Variants in EYS observed in about 807,000 individuals in gnomAD.
EYS encodes protein eyes shut homolog.
EYS carries 250 observed loss-of-function variants against 282.1 expected under a neutral mutation model. That is an observed-to-expected ratio of 0.89 (90% CI 0.80 to 0.98). The LOEUF (loss-of-function observed/expected upper bound fraction) is 0.98, where lower values mean the gene tolerates loss of function less well. Among genes scored for constraint, EYS ranks in the 50% least tolerant of loss-of-function variants. The pLI, the probability that EYS is intolerant of heterozygous loss-of-function variation, is 0.00. For synonymous variants in EYS, 1,355 were observed against 1,282.9 expected (o/e 1.06, Z -1.20); for missense variants, 4,016 against 3,709.0 (o/e 1.08, Z -2.15).
At chr6:64,378,783 T>C (rs187289190) in intron 29 of EYS, among the ~76,000 whole-genome samples, 1 of 152,292 alleles carries the variant, frequency 6.6e-6, no homozygotes, top group East Asian at 1.9e-4. Flanking sequence ...ACATCTCTAC[T>C]GGCCCTTTTG....
chr6:65,460,089 AC>A (rs1764776214), intron 5 of EYS, among the ~76,000 whole-genome samples: 1 of 147,534 alleles, frequency 6.8e-6, no homozygotes, highest in Non-Finnish European at 1.5e-5. Context: ...ACACACACAC[AC>A]ACACACACAT....
At chr6:64,406,641 G>A (rs569307334) in intron 28 of EYS, among the ~76,000 whole-genome samples, 1 of 152,314 alleles carries the variant, frequency 6.6e-6, no homozygotes, top group East Asian at 1.9e-4. Flanking sequence ...ATCAAAAAGT[G>A]AGCGAAGGAT....
intron 35 of EYS, among the ~76,000 whole-genome samples, chr6:63,919,285 G>A (rs1764502759): frequency 6.7e-6 from 1 of 148,254 alleles, no homozygotes; most frequent in Non-Finnish European, 1.5e-5. Context: ...CAGGGGCGGG[G>A]AAGAAGGAAG....
At chr6:63,732,097 G>GCTGATA (rs1768797264) in intron 41 of EYS, among the ~76,000 whole-genome samples, 1 of 151,676 alleles carries the variant, frequency 6.6e-6, no homozygotes, top group Non-Finnish European at 1.5e-5. Flanking sequence ...GCTGATACTG[G>GCTGATA]GTCAGTGCAG....
chr6:63,941,302 A>G (rs1301024238), intron 35 of EYS, among the ~76,000 whole-genome samples: 1 of 152,194 alleles, frequency 6.6e-6, no homozygotes, highest in East Asian at 1.9e-4. Context: ...TCCCACCAAC[A>G]GTGTAAAAGT....
At position 64,758,070 on chromosome 6, in the gene EYS, G is replaced by A. The variant is rs945836550; in HGVS notation, c.3443+55308C>T. Among the ~76,000 whole-genome samples the A allele has an allele frequency of 5.3e-5, 8 of 151,972 alleles. No homozygotes were observed. The East Asian group carries it at 1.5e-3, about 29-fold the overall frequency. Reference sequence around the variant, plus strand: ...ATTACAGGCGTGAGCCACTGTGCCCGGCCCAAAAGATTAATTTCTTAACAC... The same window carrying A: ...ATTACAGGCGTGAGCCACTGTGCCCAGCCCAAAAGATTAATTTCTTAACAC... On this transcript the variant is annotated intron_variant, in intron 22 of 42. Coordinates refer to ENST00000503581, the MANE Select transcript of EYS (RefSeq NM_001142800.2).
chr6:64,427,254 T>C (rs866621765), intron 28 of EYS, among the ~76,000 whole-genome samples: 2 of 152,154 alleles, frequency 1.3e-5, no homozygotes, highest in Non-Finnish European at 2.9e-5. Context: ...TTCATTTTTA[T>C]TGACATGCAG....
chr6:65,013,856 C>CT (rs1163521573), intron 13 of EYS, among the ~76,000 whole-genome samples: 1 of 152,110 alleles, frequency 6.6e-6, no homozygotes, highest in East Asian at 1.9e-4. Context: ...CAGTGAGACT[C>CT]TCTCTCTTAA....
chr6:65,313,012 A>T (rs868375317), intron 11 of EYS, among the ~76,000 whole-genome samples: 1 of 152,060 alleles, frequency 6.6e-6, no homozygotes, highest in East Asian at 1.9e-4. Flanking sequence ...GGTAGTAGAG[A>T]TCCCCTACTG....
intron 13 of EYS, among the ~76,000 whole-genome samples, chr6:65,017,091 C>A (rs978867547): frequency 6.6e-6 from 1 of 152,242 alleles, no homozygotes; most frequent in South Asian, 2.1e-4. Flanking sequence ...CCCATTCCCT[C>A]CCAGCTTCCT....
intron 14 of EYS, among the ~76,000 whole-genome samples, chr6:64,975,880 T>C (rs1770460835): frequency 6.6e-6 from 1 of 151,840 alleles, no homozygotes; most frequent in African/African-American, 2.4e-5. Flanking sequence ...CTAAATACTG[T>C]ACTAAAAACT....
chr6:65,056,638 A>G (rs1583441455), intron 13 of EYS, among the ~76,000 whole-genome samples: 2 of 152,164 alleles, frequency 1.3e-5, no homozygotes, highest in African/African-American at 4.8e-5. Context: ...TACTTAGGCC[A>G]TTCCCTCTGT....
chr6:65,471,869 C>T (rs1582340751), intron 5 of EYS, among the ~76,000 whole-genome samples: 1 of 151,994 alleles, frequency 6.6e-6, no homozygotes, highest in Non-Finnish European at 1.5e-5. Flanking sequence ...TAATATTTTT[C>T]ATGGCATTAT....
chr6:65,012,188 A>T (rs2150133817), intron 13 of EYS, among the ~76,000 whole-genome samples: 1 of 152,326 alleles, frequency 6.6e-6, no homozygotes, highest in Non-Finnish European at 1.5e-5. Flanking sequence ...TAATTATATA[A>T]AGTGGTTGCC....
At chr6:64,652,801 A>G (rs1436645369) in intron 22 of EYS, among the ~76,000 whole-genome samples, 2 of 152,196 alleles carry the variant, frequency 1.3e-5, no homozygotes, top group Non-Finnish European at 2.9e-5. Flanking sequence ...ATGACATACT[A>G]CACACAGCAA....
chr6:65,695,769 T>C (rs1431370251), intron 1 of EYS, among the ~76,000 whole-genome samples: 1 of 152,008 alleles, frequency 6.6e-6, no homozygotes, highest in Non-Finnish European at 1.5e-5. Flanking sequence ...TTGACTTTTA[T>C]AGAAAACTAT....
chr6:63,952,066 C>T (rs1765619926), intron 35 of EYS, among the ~76,000 whole-genome samples: 1 of 152,212 alleles, frequency 6.6e-6, no homozygotes, highest in Non-Finnish European at 1.5e-5. Flanking sequence ...CAATTACTTT[C>T]CTCCTCTGTG....
chr6:64,297,149 T>G (rs1769058901), intron 30 of EYS, among the ~76,000 whole-genome samples: 1 of 152,316 alleles, frequency 6.6e-6, no homozygotes, highest in East Asian at 1.9e-4. Context: ...TCTTCACATA[T>G]TAGACATCTG....
At chr6:65,019,820 A>G (rs922866876) in intron 13 of EYS, among the ~76,000 whole-genome samples, 11 of 152,160 alleles carry the variant, frequency 7.2e-5, no homozygotes, top group African/African-American at 2.7e-4. Flanking sequence ...GGATTAATTG[A>G]TTCACAGTTC....
Sources: gnomAD v4.1 joint callset for allele counts (sites outside exome capture counted in the v4.1 genomes callset) on GRCh38, gnomAD v4.1.1 for gene constraint, MANE v1.5 for transcripts, NCBI Gene and HGNC (gene_info 2026-07-23, HGNC 2026-07-21) for gene names.